The following GUCY1A1 variants were observed in gnomAD, a reference collection of about 807,000 sequenced individuals.
GUCY1A1 encodes guanylate cyclase 1 soluble subunit alpha 1, also known as guanylate cyclase soluble subunit alpha-1.
A neutral mutation model predicts 64.5 loss-of-function variants in GUCY1A1; 48 were observed. The observed-to-expected ratio is 0.74, with a 90% CI of 0.59 to 0.95. GUCY1A1 has a LOEUF of 0.95. Ranked by LOEUF, GUCY1A1 falls within the 40% of genes least tolerant of loss-of-function variation. The pLI is 0.00. For missense variants in GUCY1A1, 804 were observed against 825.3 expected (o/e 0.97, Z 0.32); for synonymous variants, 308 against 303.4 (o/e 1.02, Z -0.16).
intron 2 of GUCY1A1, among the ~76,000 whole-genome samples, chr4:155,677,250 A>C (rs953160726): frequency 2.0e-5 from 3 of 152,230 alleles, no homozygotes; most frequent in African/African-American, 7.2e-5. Context: ...TATAAGAGAA[A>C]GATCCTGAAG....
chr4:155,712,934 C>T (rs1441757247), intron 6 of GUCY1A1, among the ~76,000 whole-genome samples, 164 bp from the exon 7 acceptor site: 4 of 152,178 alleles, frequency 2.6e-5, no homozygotes, highest in Non-Finnish European at 4.4e-5. Flanking sequence ...CATCTGCACG[C>T]ATTTTAGAAC....
chr4:155,727,557 T>C (rs1734885162), intron 9 of GUCY1A1, among the ~76,000 whole-genome samples: 1 of 151,842 alleles, frequency 6.6e-6, no homozygotes, highest in Admixed American at 6.6e-5. Flanking sequence ...AAATGTTGAG[T>C]TGCTGTAGAT....
At chr4:155,722,247 C>A in intron 9 of GUCY1A1, 55 bp downstream of exon 9, 1 of 1,568,428 alleles carries the variant, frequency 6.4e-7, no homozygotes, top group South Asian at 1.2e-5. Context: ...ATACAATTGC[C>A]ATTTGCCCCA....
At chr4:155,709,135 A>C (rs1732192871) in intron 5 of GUCY1A1, among the ~76,000 whole-genome samples, 1 of 152,232 alleles carries the variant, frequency 6.6e-6, no homozygotes, top group Non-Finnish European at 1.5e-5. Flanking sequence ...TTCCACTATC[A>C]GTTCTCACCA....
chr4:155,696,708 G>A (rs904815707), intron 2 of GUCY1A1, 48 bp from the exon 3 acceptor site: 19 of 589,084 alleles, frequency 3.2e-5, no homozygotes, highest in South Asian at 7.4e-5. Flanking sequence ...GTTTTCATCC[G>A]TGCATAAAGT....
chr4:155,690,899 G>C (rs890417500), intron 2 of GUCY1A1, among the ~76,000 whole-genome samples: 2 of 152,194 alleles, frequency 1.3e-5, no homozygotes, highest in Non-Finnish European at 2.9e-5. Flanking sequence ...CACAGAGCAA[G>C]ACCTTCGTAA....
rs531839582 is a variant in GUCY1A1, at chr4:155,696,986, G to A, written c.119G>A (p.Cys40Tyr). 1.9e-6 allele frequency: 3 copies of A among 1,613,684 alleles called. No homozygotes were observed. Among genetic ancestry groups the A allele is most frequent in the East Asian group, 2.2e-5 (1 of 44,886 alleles). ...GAGGCAGCAGGAAGCTCAGAGAGCT[G>A]CAAAGCAACCGTGCCCATCTGTCAA... ...SEEAAGSSESCKATVPICQDI... is the reference protein window; with the variant it reads ...SEEAAGSSESYKATVPICQDI... Residue 40 changes from cysteine (C) to tyrosine (Y), a missense_variant, in exon 3 of 10, where the codon TGC becomes TAC. Coordinates refer to ENST00000506455, the MANE Select transcript of GUCY1A1 (RefSeq NM_001130682.3).
chr4:155,676,103 G>T (rs1412169354), intron 2 of GUCY1A1, among the ~76,000 whole-genome samples: 3 of 151,232 alleles, frequency 2.0e-5, no homozygotes, highest in African/African-American at 7.4e-5. Flanking sequence ...TTATTATGTT[G>T]TCTTTCTGCC....
intron 3 of GUCY1A1, among the ~76,000 whole-genome samples, chr4:155,701,148 A>G (rs900274208): frequency 3.9e-5 from 6 of 152,198 alleles, no homozygotes; most frequent in Admixed American, 2.0e-4. Flanking sequence ...TTCTGCCTGG[A>G]AAACATGTGA....
chr4:155,698,943 T>C (rs1216636684), intron 3 of GUCY1A1, among the ~76,000 whole-genome samples: 1 of 152,180 alleles, frequency 6.6e-6, no homozygotes, highest in Non-Finnish European at 1.5e-5. Context: ...ATTTTGCTCA[T>C]GCATAGTTTT....
intron 6 of GUCY1A1, 67 bp downstream of exon 6, chr4:155,711,318 G>A (rs113576565): frequency 4.7e-5 from 37 of 790,394 alleles, no homozygotes; most frequent in South Asian, 1.3e-4. Context: ...GAAACAAAAG[G>A]GTAAAAATAT....
chr4:155,696,524 T>G (rs1730430205), intron 2 of GUCY1A1, among the ~76,000 whole-genome samples: 1 of 152,260 alleles, frequency 6.6e-6, no homozygotes, highest in South Asian at 2.1e-4. Flanking sequence ...AAATATATTT[T>G]ATTTTAAAAG....
chr4:155,699,705 A>T (rs1196054671), intron 3 of GUCY1A1, among the ~76,000 whole-genome samples: 1 of 152,072 alleles, frequency 6.6e-6, no homozygotes, highest in African/African-American at 2.4e-5. Context: ...TTTTTTACTG[A>T]TTATTTGTTA....
At chr4:155,667,577 C>T (rs1198413044) in intron 2 of GUCY1A1, 158 bp downstream of exon 2, 4 of 152,160 alleles carry the variant, frequency 2.6e-5, no homozygotes, top group Non-Finnish European at 5.9e-5. Flanking sequence ...GGTTCCCACG[C>T]TGGGGAGGAG....
chr4:155,686,008 C>T (rs1406923845), intron 2 of GUCY1A1, among the ~76,000 whole-genome samples: 1 of 152,168 alleles, frequency 6.6e-6, no homozygotes, highest in Non-Finnish European at 1.5e-5. Context: ...AGGTCAATCC[C>T]AGAGTCACTT....
chr4:155,721,745 TACTATGA>T (rs1365163927), intron 8 of GUCY1A1, among the ~76,000 whole-genome samples: 1 of 152,108 alleles, frequency 6.6e-6, no homozygotes, highest in East Asian at 1.9e-4. Context: ...TTGCTGTGGT[TACTATGA>T]TCCCTGTGCA....
chr4:155,683,949 T>C (rs1736181600), intron 2 of GUCY1A1, among the ~76,000 whole-genome samples: 1 of 152,170 alleles, frequency 6.6e-6, no homozygotes, highest in Admixed American at 6.6e-5. Flanking sequence ...TTGGGTGAAC[T>C]CAATACACCT....
At chr4:155,682,037 A>C (rs1288403821) in intron 2 of GUCY1A1, among the ~76,000 whole-genome samples, 1 of 152,116 alleles carries the variant, frequency 6.6e-6, no homozygotes, top group African/African-American at 2.4e-5. Flanking sequence ...GAGTCATTCT[A>C]TTCCTCAGAT....
At chr4:155,667,320 C>G (rs1261074860) in intron 1 of GUCY1A1, 26 bp from the exon 2 acceptor site, 1 of 152,584 alleles carries the variant, frequency 6.6e-6, no homozygotes, top group Non-Finnish European at 1.5e-5. Flanking sequence ...CCACCCCTGA[C>G]GCCTGCTCTC....
Sources: gnomAD v4.1 joint callset for allele counts (sites outside exome capture counted in the v4.1 genomes callset) on GRCh38, gnomAD v4.1.1 for gene constraint, MANE v1.5 for transcripts, NCBI Gene and HGNC (gene_info 2026-07-23, HGNC 2026-07-21) for gene names.